SLC35F4: variants seen among roughly 807,000 people sequenced by gnomAD.
SLC35F4 encodes solute carrier family 35 member F4.
Under a neutral mutation model 44.2 loss-of-function variants are expected in SLC35F4, and 24 were observed. The observed-to-expected ratio is 0.54, with a 90% CI of 0.39 to 0.76. The LOEUF (loss-of-function observed/expected upper bound fraction) is 0.76. SLC35F4 is among the 30% of genes least tolerant of loss of function. The pLI is 0.00. For synonymous variants in SLC35F4, 238 were observed against 223.6 expected (o/e 1.06, Z -0.57); for missense variants, 562 against 586.1 (o/e 0.96, Z 0.42).
chr14:57,575,828 C>G (rs1378155600), intron 4 of SLC35F4, among the ~76,000 whole-genome samples: 1 of 152,158 alleles, frequency 6.6e-6, no homozygotes, highest in African/African-American at 2.4e-5. Flanking sequence ...TCCTAAAGCC[C>G]AAAGAGGGCT....
downstream of SLC35F4, among the ~76,000 whole-genome samples, chr14:57,975,140 G>T (rs1934597929): frequency 6.6e-6 from 1 of 152,202 alleles, no homozygotes; most frequent in Admixed American, 6.5e-5. Context: ...TACATAAAGA[G>T]TTGATCATTG....
intron 1 of SLC35F4, among the ~76,000 whole-genome samples, chr14:57,650,142 G>T (rs1309963113): frequency 6.6e-6 from 1 of 151,982 alleles, no homozygotes; most frequent in South Asian, 2.1e-4. Context: ...TCTGGTCCAG[G>T]GTCCCTTCTC....
intron 1 of SLC35F4, among the ~76,000 whole-genome samples, chr14:57,675,511 C>G (rs1294256993): frequency 1.3e-5 from 2 of 151,976 alleles, no homozygotes; most frequent in Admixed American, 1.3e-4. Context: ...TTATTTCTTT[C>G]TCTCGTCTGA....
At chr14:57,756,442 A>T (rs777123219) in intron 1 of SLC35F4, among the ~76,000 whole-genome samples, 16 of 152,096 alleles carry the variant, frequency 1.1e-4, no homozygotes, top group Non-Finnish European at 2.1e-4. Flanking sequence ...AGCAGAAAAC[A>T]TACTCTGTAT....
At position 57,797,098 on chromosome 14, in the gene SLC35F4, C is replaced by A. The variant is rs143305579; in HGVS notation, c.103+68625G>T. Among the ~76,000 whole-genome samples the A allele has an allele frequency of 1.2e-3, 180 of 152,296 alleles. 1 individual carries two copies. The highest frequency in any genetic ancestry group is 4.0e-3 in the African/African-American group (168 of 41,552). ...ATGCACACAAAATCTTTTGCTATAA[C>A]CTCTTGGCAACTTCCAGGATTCATA... On this transcript the variant is annotated intron_variant, in intron 1 of 7. Coordinates refer to ENST00000556826, the MANE Select transcript of SLC35F4 (RefSeq NM_001306087.2).
intron 1 of SLC35F4, among the ~76,000 whole-genome samples, chr14:57,628,745 A>G (rs1385280943): frequency 6.6e-6 from 1 of 152,190 alleles, no homozygotes; most frequent in Non-Finnish European, 1.5e-5. Context: ...TCTTAAACAC[A>G]ATAATAAGAG....
intron 1 of SLC35F4, among the ~76,000 whole-genome samples, chr14:57,806,038 A>G (rs1429590454): frequency 6.6e-6 from 1 of 152,198 alleles, no homozygotes. Flanking sequence ...CATATTGAAT[A>G]TGCTCTATTC....
Position 57,794,582 on chromosome 14 carries a change from T to C in SLC35F4, c.103+71141A>G, listed in dbSNP as rs369584448. Among the ~76,000 whole-genome samples the C allele has an allele frequency of 1.2e-4, 19 of 152,218 alleles. No homozygotes were observed. The East Asian group carries it at 3.1e-3, about 25-fold the overall frequency. On this transcript the variant is annotated intron_variant, in intron 1 of 7. Coordinates refer to ENST00000556826, the MANE Select transcript of SLC35F4 (RefSeq NM_001306087.2). ...CAGATGTGGTGAAAAGCAAACTTGT[T>C]CTTTTTCTACTTTCTCTTTTATAGT... is the stretch of plus-strand genomic sequence containing the variant.
intron 1 of SLC35F4, among the ~76,000 whole-genome samples, chr14:57,605,315 A>T (rs1403062114): frequency 6.6e-6 from 1 of 152,224 alleles, no homozygotes; most frequent in African/African-American, 2.4e-5. Context: ...GACAGTTCTG[A>T]AAAGAAGACA....
chr14:57,611,523 T>C (rs574429262), intron 1 of SLC35F4, among the ~76,000 whole-genome samples: 2 of 151,110 alleles, frequency 1.3e-5, no homozygotes, highest in South Asian at 2.1e-4. Context: ...CAGCAAACGA[T>C]ATGGTACAGT....
intron 1 of SLC35F4, among the ~76,000 whole-genome samples, chr14:57,667,534 T>C (rs866550800): frequency 6.9e-5 from 10 of 144,966 alleles, no homozygotes; most frequent in African/African-American, 2.6e-4. Flanking sequence ...CCTTCCTGTG[T>C]CCACATGTTC....
At chr14:57,704,552 A>G (rs2075623296) in intron 1 of SLC35F4, among the ~76,000 whole-genome samples, 1 of 152,122 alleles carries the variant, frequency 6.6e-6, no homozygotes, top group South Asian at 2.1e-4. Flanking sequence ...AAGATATGAC[A>G]TGATACCCAC....
intron 1 of SLC35F4, among the ~76,000 whole-genome samples, chr14:57,816,143 A>G (rs1396728304): frequency 6.6e-6 from 1 of 152,148 alleles, no homozygotes; most frequent in Admixed American, 6.6e-5. Flanking sequence ...ATCCAGGGAG[A>G]ATCACAATGA....
At chr14:57,586,973 A>AAAAGTGGGCCAAGGAGATGAACAG (rs61106122) in intron 3 of SLC35F4, among the ~76,000 whole-genome samples, 3 of 147,916 alleles carry the variant, frequency 2.0e-5, no homozygotes, top group Middle Eastern at 3.5e-3. Flanking sequence ...AAAACCAACA[A>AAAAGTGGGCCAAGGAGATGAACAG]ACACTTCTCA....
At chr14:57,602,803 C>A (rs766828539) in intron 1 of SLC35F4, among the ~76,000 whole-genome samples, 8 of 152,082 alleles carry the variant, frequency 5.3e-5, no homozygotes, top group Non-Finnish European at 1.2e-4. Context: ...TTTCCCTTAC[C>A]CTGAATAAAA....
rs536273194 is a variant in SLC35F4, at chr14:57,685,992, C to T, written c.104-91868G>A. On this transcript the variant is annotated intron_variant, in intron 1 of 7. Coordinates refer to ENST00000556826, the MANE Select transcript of SLC35F4 (RefSeq NM_001306087.2). Reference sequence around the variant, plus strand: ...TAGGTCTGAGCAGATCTCCAAGAAACAAAGTACATGATCTTCAACACATGT... The same window carrying T: ...TAGGTCTGAGCAGATCTCCAAGAAATAAAGTACATGATCTTCAACACATGT... 1.4e-4 allele frequency among the ~76,000 whole-genome samples: 21 copies of T among 152,256 alleles called. No individual in the cohort carries two copies. In the East Asian group the frequency reaches 2.9e-3, roughly 21 times the overall value.
chr14:57,684,380 G>A (rs1026942188), intron 1 of SLC35F4, among the ~76,000 whole-genome samples: 2 of 152,126 alleles, frequency 1.3e-5, no homozygotes, highest in Non-Finnish European at 2.9e-5. Flanking sequence ...GTGAAGGGAT[G>A]GCTTCAGGAT....
At chr14:57,823,125 T>C (rs900286497) in intron 1 of SLC35F4, among the ~76,000 whole-genome samples, 1 of 152,016 alleles carries the variant, frequency 6.6e-6, no homozygotes, top group African/African-American at 2.4e-5. Context: ...CAGAATACCC[T>C]CCACACTCCT....
At chr14:57,656,957 T>C (rs540588224) in intron 1 of SLC35F4, among the ~76,000 whole-genome samples, 1 of 152,322 alleles carries the variant, frequency 6.6e-6, no homozygotes. Flanking sequence ...TTAGATAGCA[T>C]GGACTGTAAG....
Sources: gnomAD v4.1 joint callset for allele counts (sites outside exome capture counted in the v4.1 genomes callset) on GRCh38, gnomAD v4.1.1 for gene constraint, MANE v1.5 for transcripts, NCBI Gene and HGNC (gene_info 2026-07-23, HGNC 2026-07-21) for gene names.